TOP6BL: variants seen among roughly 807,000 people sequenced by gnomAD.
TOP6BL encodes type 2 DNA topoisomerase 6 subunit B-like.
chr11:66,816,750 T>C, the TOP6BL span, among the ~76,000 whole-genome samples: 1 of 152,174 alleles, frequency 6.6e-6, no homozygotes, highest in African/African-American at 2.4e-5. Context: ...ATATTTTGTA[T>C]TATTATTTTT....
the TOP6BL span, chr11:66,822,540 C>A: frequency 7.0e-7 from 1 of 1,435,960 alleles, no homozygotes; most frequent in Non-Finnish European, 9.6e-7. Flanking sequence ...ATGCAGTCTC[C>A]CCCTTACTTG....
chr11:66,796,278 C>T, the TOP6BL span: 4 of 1,603,854 alleles, frequency 2.5e-6, no homozygotes, highest in Admixed American at 3.4e-5. Context: ...TGTATTATTA[C>T]AGGTTGATGA....
At chr11:66,836,145 C>T in the TOP6BL span, among the ~76,000 whole-genome samples, 1 of 152,186 alleles carries the variant, frequency 6.6e-6, no homozygotes, top group Non-Finnish European at 1.5e-5. Context: ...TGCTGAGTAT[C>T]TTTTCCATGT....
At chr11:66,776,259 A>G in the TOP6BL span, among the ~76,000 whole-genome samples, 1 of 151,990 alleles carries the variant, frequency 6.6e-6, no homozygotes, top group African/African-American at 2.4e-5. Flanking sequence ...GGATTCTACC[A>G]TGTTGGCCAG....
the TOP6BL span, among the ~76,000 whole-genome samples, chr11:66,772,799 C>T: frequency 2.6e-5 from 4 of 152,196 alleles, no homozygotes; most frequent in African/African-American, 9.7e-5. Context: ...CATCTATGTT[C>T]ACAAAGGATA....
At chr11:66,795,320 G>A in the TOP6BL span, among the ~76,000 whole-genome samples, 1 of 109,570 alleles carries the variant, frequency 9.1e-6, no homozygotes, top group African/African-American at 3.5e-5. Context: ...TTTTTTTTTC[G>A]AGACAGAGTC....
the TOP6BL span, chr11:66,762,302 C>T: frequency 2.4e-6 from 1 of 424,532 alleles, no homozygotes; most frequent in Non-Finnish European, 4.2e-6. Flanking sequence ...GGGGCGCCGG[C>T]CAGGAGCTGC....
the TOP6BL span, among the ~76,000 whole-genome samples, chr11:66,746,950 TC>T: frequency 6.6e-6 from 1 of 151,966 alleles, no homozygotes; most frequent in Non-Finnish European, 1.5e-5. Context: ...TTTTTTTTTT[TC>T]TTTTTGAAAC....
the TOP6BL span, among the ~76,000 whole-genome samples, chr11:66,752,723 G>C: frequency 6.6e-6 from 1 of 151,982 alleles, no homozygotes; most frequent in African/African-American, 2.4e-5. Context: ...AAAGTGCTGC[G>C]ATTACAAGCA....
the TOP6BL span, among the ~76,000 whole-genome samples, chr11:66,818,156 G>A: frequency 6.6e-6 from 1 of 152,076 alleles, no homozygotes; most frequent in Non-Finnish European, 1.5e-5. Context: ...TGAGTCATAA[G>A]AAAAAAGAGA....
chr11:66,758,296 C>CTTTTTTTTTT, the TOP6BL span: 1 of 57,396 alleles, frequency 1.7e-5, no homozygotes, highest in African/African-American at 6.9e-5. Context: ...CTGGTATTTT[C>CTTTTTTTTTT]TTTTTCTTTT....
chr11:66,842,866 G>A, the TOP6BL span: 3 of 1,571,982 alleles, frequency 1.9e-6, no homozygotes, highest in African/African-American at 2.7e-5. Flanking sequence ...CGGGCAAGCA[G>A]AAAACAAGAG....
the TOP6BL span, among the ~76,000 whole-genome samples, chr11:66,783,926 G>A: frequency 6.6e-6 from 1 of 152,094 alleles, no homozygotes; most frequent in Non-Finnish European, 1.5e-5. Flanking sequence ...CCTGGCCTGA[G>A]GTAATCCTCC....
At chr11:66,822,819 C>T in the TOP6BL span, 1 of 615,930 alleles carries the variant, frequency 1.6e-6, no homozygotes, top group Non-Finnish European at 2.9e-6. Flanking sequence ...GCCTGGGCAA[C>T]ACAGGGAGAC....
chr11:66,813,473 G>T, the TOP6BL span, among the ~76,000 whole-genome samples: 1 of 152,074 alleles, frequency 6.6e-6, no homozygotes, highest in Non-Finnish European at 1.5e-5. Flanking sequence ...GATGGCTCAC[G>T]CCTGTAATCC....
At chr11:66,769,597 A>G in the TOP6BL span, among the ~76,000 whole-genome samples, 1 of 152,120 alleles carries the variant, frequency 6.6e-6, no homozygotes, top group Non-Finnish European at 1.5e-5. Flanking sequence ...AGCAAAATTC[A>G]TATGGTAAAG....
At chr11:66,753,820 T>C in the TOP6BL span, among the ~76,000 whole-genome samples, 1 of 152,138 alleles carries the variant, frequency 6.6e-6, no homozygotes, top group Non-Finnish European at 1.5e-5. Flanking sequence ...TTCTCCTGCC[T>C]CAGCCTCCTC....
At chr11:66,769,457 A>G in the TOP6BL span, among the ~76,000 whole-genome samples, 2 of 151,952 alleles carry the variant, frequency 1.3e-5, no homozygotes, top group African/African-American at 4.8e-5. Flanking sequence ...CTAAAAAAAA[A>G]AAAGCTGGAA....
chr11:66,810,343 C>T, the TOP6BL span, among the ~76,000 whole-genome samples: 13 of 152,118 alleles, frequency 8.5e-5, no homozygotes, highest in African/African-American at 1.7e-4. Context: ...GGTGGCTATG[C>T]GGGTAGATAC....
Sources: gnomAD v4.1 joint callset for allele counts (sites outside exome capture counted in the v4.1 genomes callset) on GRCh38, gnomAD v4.1.1 for gene constraint, MANE v1.5 for transcripts, NCBI Gene and HGNC (gene_info 2026-07-23, HGNC 2026-07-21) for gene names.